The following XIST variants were observed in gnomAD, a reference collection of about 807,000 sequenced individuals.
The protein encoded by XIST is X inactive specific transcript (non-protein coding).
rs376662080 is a variant in XIST, at chrX:73,845,766, G to T, written n.6958C>A. ...TGCACCTTGATTGTCCAAATGTAAT[G>T]ATCTTATGGAGGGGGCACTCCCTGC... On this transcript the variant is annotated non_coding_transcript_exon_variant, in exon 1 of 6. Coordinates refer to ENST00000429829, the Ensembl canonical transcript of XIST. 6 of 360,999 alleles carry T rather than the reference G, an allele frequency of 1.7e-5. No homozygotes were observed. In the African/African-American group the frequency reaches 1.8e-4, roughly 11 times the overall value. 29.8% of individuals were successfully genotyped at this position (360,999 alleles called of 1,213,427 possible).
chrX:73,850,610 C>T (rs878857893), exon 1 of XIST: 2 of 534,234 alleles, frequency 3.7e-6, no homozygotes, highest in South Asian at 2.4e-5. Context: ...CTTGCCACGG[C>T]TCACCACCAT....
exon 1 of XIST, chrX:73,851,176 CCGCTCTG>C (rs919009947): frequency 1.1e-5 from 6 of 559,581 alleles, no homozygotes; most frequent in Non-Finnish European, 1.9e-5. Flanking sequence ...ACCTTTTCTC[CCGCTCTG>C]CGTGGCACTA....
Position 73,850,473 on chromosome X carries a change from C to G in XIST, n.2251G>C, listed in dbSNP as rs377586597. 9.6e-5 allele frequency: 52 copies of G among 541,910 alleles called. No homozygotes were observed. In the African/African-American group the frequency reaches 1.1e-3, roughly 11 times the overall value. The allele number at this position is 541,910 out of a possible 1,213,427, so 44.7% of individuals were successfully genotyped here. On this transcript the variant is annotated non_coding_transcript_exon_variant, in exon 1 of 6. Transcript: ENST00000429829. ...AAAATCAGACTGTATGACTGACATC[C>G]AAAAGATAAATATAAATCAAAATCC...
chrX:73,848,089 G>C (rs754106576), exon 1 of XIST: 1 of 558,908 alleles, frequency 1.8e-6, no homozygotes, highest in Non-Finnish European at 3.2e-6. Flanking sequence ...CACATTAACA[G>C]TACAAAAGAA....
exon 6 of XIST, chrX:73,824,103 T>C (rs764092771): frequency 1.5e-5 from 8 of 546,012 alleles, no homozygotes; most frequent in African/African-American, 2.2e-5. Flanking sequence ...AGCTTATATA[T>C]GGGTGGCAGT....
At chrX:73,844,269 ATACAT>A (rs760215122) in exon 1 of XIST, 1 of 559,282 alleles carries the variant, frequency 1.8e-6, no homozygotes, top group East Asian at 3.2e-5. Context: ...TGGTGATTAC[ATACAT>A]TAATGTCCAA....
At chrX:73,851,807 G>C (rs754166212) in exon 1 of XIST, 2 of 556,665 alleles carry the variant, frequency 3.6e-6, no homozygotes, top group Non-Finnish European at 3.2e-6. Flanking sequence ...CGAGTTATGC[G>C]GCAAGTCTAA....
chrX:73,833,426 CAA>C, intron 2 of XIST: 2 of 498,431 alleles, frequency 4.0e-6, no homozygotes, highest in East Asian at 3.4e-5. Context: ...GGTAGGATAC[CAA>C]AAGAGTTACA....
rs778230624 is a variant in XIST, at chrX:73,822,904, A to T, written n.16997T>A. On this transcript the variant is annotated non_coding_transcript_exon_variant, in exon 6 of 6. Coordinates refer to ENST00000429829, the Ensembl canonical transcript of XIST. The stretch of plus-strand genomic sequence containing the variant: ...CAATGAAGTTTCTTCTCAACTAAAG[A>T]AACACAGTCTCTTAGAGAATTTGTT... The T allele has an allele frequency of 5.4e-6, 3 of 556,868 alleles. No individual in the cohort carries two copies. In the African/African-American group the frequency reaches 6.7e-5, roughly 12 times the overall value. The allele number at this position is 556,868 out of a possible 1,213,427, so 45.9% of individuals were successfully genotyped here.
exon 1 of XIST, chrX:73,843,349 G>A (rs188303801): frequency 1.1e-4 from 59 of 557,016 alleles, no homozygotes; most frequent in African/African-American, 9.8e-4. Flanking sequence ...CTAATGATCA[G>A]TGCCCTTGAT....
At chrX:73,842,711 T>C (rs775246664) in exon 1 of XIST, 2 of 558,393 alleles carry the variant, frequency 3.6e-6, no homozygotes, top group East Asian at 3.2e-5. Context: ...TCATGTATAA[T>C]GGGTGGGACC....
At chrX:73,821,990 G>A (rs1012577477) in exon 6 of XIST, 7 of 558,228 alleles carry the variant, frequency 1.3e-5, no homozygotes, top group Non-Finnish European at 1.6e-5. Flanking sequence ...GTTATCTGAG[G>A]ATTGTTTCTG....
rs761446665 is a variant in XIST, at chrX:73,848,211, G to C, written n.4513C>G. 6 of 557,003 alleles carry C rather than the reference G, an allele frequency of 1.1e-5. No individual in the cohort carries two copies. The East Asian group carries it at 1.9e-4, about 18-fold the overall frequency. 45.9% of individuals were successfully genotyped at this position (557,003 alleles called of 1,213,427 possible). A position where few individuals can be genotyped will look rare whatever the true frequency, so the allele number is the denominator to read the frequency against. ...CAATTATGCGCATTAACAGTCCCAA[G>C]TACCCCCTGCTGTAAGACAAAAGGA... On this transcript the variant is annotated non_coding_transcript_exon_variant, in exon 1 of 6. Coordinates refer to ENST00000429829, the Ensembl canonical transcript of XIST.
intron 3 of XIST, among the ~76,000 whole-genome samples, chrX:73,832,194 C>T (rs1922399921): frequency 9.0e-6 from 1 of 111,228 alleles, no homozygotes; most frequent in Non-Finnish European, 1.9e-5. Flanking sequence ...ATTAGCCTGG[C>T]GTGGTCGCGC....
exon 1 of XIST, chrX:73,850,264 T>C (rs938979402): frequency 3.6e-6 from 2 of 551,401 alleles, no homozygotes; most frequent in Non-Finnish European, 6.5e-6. Context: ...GATTTGACTT[T>C]GACTATCTAC....
rs763476506 is a variant in XIST, at chrX:73,842,168, TAAA to T, written n.10553_10555del. The T allele has an allele frequency of 3.7e-4, 186 of 508,372 alleles. No individual in the cohort carries two copies. In the African/African-American group the frequency reaches 4.1e-3, roughly 11 times the overall value. The allele number at this position is 508,372 out of a possible 1,213,427, so 41.9% of individuals were successfully genotyped here. On this transcript the variant is annotated non_coding_transcript_exon_variant, in exon 1 of 6. Transcript: ENST00000429829. ...CACCCTACAATCCAGATGTCTTTCT[TAAA>T]AAAATTTTTTTAATAATAATAAGCA...
At chrX:73,827,685 G>A in exon 6 of XIST, 1 of 550,201 alleles carries the variant, frequency 1.8e-6, no homozygotes, top group South Asian at 2.3e-5. Context: ...GGCAGAGAAA[G>A]GAGAGGTAGA....
chrX:73,829,355 G>A (rs370444675), intron 4 of XIST: 23 of 427,758 alleles, frequency 5.4e-5, no homozygotes, highest in African/African-American at 2.0e-4. Flanking sequence ...AACCTATAAA[G>A]TCAAAACTTT....
chrX:73,849,441 A>C (rs769986772), exon 1 of XIST: 2 of 559,161 alleles, frequency 3.6e-6, no homozygotes, highest in Non-Finnish European at 3.2e-6. Context: ...CCAACACAGT[A>C]CACAAGAAAA....
Sources: gnomAD v4.1 joint callset for allele counts (sites outside exome capture counted in the v4.1 genomes callset) on GRCh38, gnomAD v4.1.1 for gene constraint, MANE v1.5 for transcripts, NCBI Gene and HGNC (gene_info 2026-07-23, HGNC 2026-07-21) for gene names.